SPACA7: variants seen among roughly 807,000 people sequenced by gnomAD.
SPACA7 encodes sperm acrosome associated 7, also known as sperm acrosome-associated protein 7.
Under a neutral mutation model 26.3 loss-of-function variants are expected in SPACA7, and 19 were observed. That is an observed-to-expected ratio of 0.72 (90% CI 0.50 to 1.06). The LOEUF (loss-of-function observed/expected upper bound fraction) is 1.06. Ranked by LOEUF, SPACA7 falls within the 50% of genes least tolerant of loss-of-function variation. The pLI is 0.00. For synonymous variants in SPACA7, 84 were observed against 84.5 expected (o/e 0.99, Z 0.04); for missense variants, 211 against 229.9 (o/e 0.92, Z 0.53).
At chr13:112,420,732 C>T (rs947809490) in intron 5 of SPACA7, among the ~76,000 whole-genome samples, 3 of 151,798 alleles carry the variant, frequency 2.0e-5, no homozygotes, top group African/African-American at 7.3e-5. Flanking sequence ...GAACACCAAG[C>T]AGGATACGTT....
chr13:112,426,631 G>T (rs1461246150), intron 5 of SPACA7, among the ~76,000 whole-genome samples: 1 of 152,074 alleles, frequency 6.6e-6, no homozygotes, highest in Non-Finnish European at 1.5e-5. Flanking sequence ...TTATACATAA[G>T]TGTTTAGTAG....
At chr13:112,423,595 G>T (rs1161753786) in intron 5 of SPACA7, among the ~76,000 whole-genome samples, 1 of 152,190 alleles carries the variant, frequency 6.6e-6, no homozygotes, top group African/African-American at 2.4e-5. Flanking sequence ...TAAAAGGTAA[G>T]AACCAACATC....
At chr13:112,382,320 G>T in intron 1 of SPACA7, 2 of 1,104,592 alleles carry the variant, frequency 1.8e-6, no homozygotes, top group Admixed American at 3.0e-5. Context: ...GGCGCCTCTC[G>T]ATTTCTTGAC....
intron 5 of SPACA7, among the ~76,000 whole-genome samples, chr13:112,424,173 C>G (rs977923921): frequency 1.3e-5 from 2 of 152,198 alleles, no homozygotes; most frequent in Non-Finnish European, 2.9e-5. Flanking sequence ...CCCGAAGGCA[C>G]CGCATGTGAC....
intron 5 of SPACA7, among the ~76,000 whole-genome samples, chr13:112,404,385 G>A (rs1250850730): frequency 1.3e-5 from 2 of 152,190 alleles, no homozygotes; most frequent in African/African-American, 2.4e-5. Flanking sequence ...TCACTCTGCT[G>A]ATTATTTCTC....
chr13:112,383,082 A>AGG (rs1566452599), intron 1 of SPACA7, among the ~76,000 whole-genome samples: 39 of 102,472 alleles, frequency 3.8e-4, no homozygotes, highest in African/African-American at 1.4e-3. Flanking sequence ...GAAAGAAAGA[A>AGG]AAAGAAAGAA....
intron 1 of SPACA7, among the ~76,000 whole-genome samples, chr13:112,386,560 G>A (rs577221428): frequency 4.6e-5 from 7 of 151,834 alleles, no homozygotes; most frequent in South Asian, 4.2e-4. Context: ...AGGAGTCCCC[G>A]GCTACCAGAA....
chr13:112,434,576 G>GCCC lies in SPACA7; in HGVS notation c.*27_*28insCCC. ...GCCGCAGCCCCAGACCCCCTGCGCA[G>GCCC]GAGAGGAGCCTGCTAGAACCCCCAC... On this transcript the variant is annotated 3_prime_UTR_variant, in exon 7 of 7. Transcript: ENST00000283550. 6.3e-7 allele frequency: 1 copy of GCCC among 1,579,700 alleles called. No homozygotes were observed. The highest frequency in any genetic ancestry group is 8.6e-7 in the Non-Finnish European group (1 of 1,162,064).
intron 1 of SPACA7, among the ~76,000 whole-genome samples, chr13:112,389,009 G>A (rs2138897126): frequency 6.6e-6 from 1 of 152,316 alleles, no homozygotes; most frequent in Non-Finnish European, 1.5e-5. Flanking sequence ...ACTGATCTTA[G>A]GAGCAGTTTA....
chr13:112,393,338 C>T (rs538938554), intron 2 of SPACA7, among the ~76,000 whole-genome samples: 1 of 150,924 alleles, frequency 6.6e-6, no homozygotes, highest in Non-Finnish European at 1.5e-5. Context: ...AAGTGAGGTC[C>T]AAGGACCCTC....
chr13:112,400,975 C>A, intron 4 of SPACA7, 94 bp from the exon 5 acceptor site: 1 of 888,576 alleles, frequency 1.1e-6, no homozygotes, highest in Non-Finnish European at 1.8e-6. Flanking sequence ...ATTAGCATCT[C>A]AACTTAGCAT....
At chr13:112,422,444 A>G (rs1017284055) in intron 5 of SPACA7, among the ~76,000 whole-genome samples, 5 of 152,252 alleles carry the variant, frequency 3.3e-5, no homozygotes, top group Non-Finnish European at 7.3e-5. Context: ...AATTACTCAA[A>G]TTGACCTTTT....
At chr13:112,417,038 G>A (rs1886739026) in intron 5 of SPACA7, among the ~76,000 whole-genome samples, 2 of 151,876 alleles carry the variant, frequency 1.3e-5, no homozygotes, top group South Asian at 4.2e-4. Context: ...AGTTGATAGA[G>A]AACGCTGCTT....
chr13:112,405,568 C>CAAAA (rs1302800771), intron 5 of SPACA7, among the ~76,000 whole-genome samples: 3 of 152,094 alleles, frequency 2.0e-5, no homozygotes, highest in Non-Finnish European at 2.9e-5. Context: ...AAAATTTGCT[C>CAAAA]ATGGTTTCAT....
intron 5 of SPACA7, among the ~76,000 whole-genome samples, chr13:112,403,291 T>A (rs1351241455): frequency 6.6e-6 from 1 of 152,158 alleles, no homozygotes; most frequent in Non-Finnish European, 1.5e-5. Flanking sequence ...CTCCTGATTT[T>A]AAAAAAACTT....
At chr13:112,382,840 T>G (rs756900397) in intron 1 of SPACA7, among the ~76,000 whole-genome samples, 3 of 151,726 alleles carry the variant, frequency 2.0e-5, no homozygotes, top group Admixed American at 6.6e-5. Flanking sequence ...ACACAAAAAA[T>G]TAGCCAGGCA....
intron 1 of SPACA7, among the ~76,000 whole-genome samples, chr13:112,383,098 GAAGAAAGA>G (rs1445595997): frequency 2.7e-5 from 1 of 37,304 alleles, no homozygotes; most frequent in African/African-American, 8.4e-5. Flanking sequence ...AAGAAAGAAA[GAAGAAAGA>G]AAAGAAAAGA....
chr13:112,417,599 C>G (rs1294788751), intron 5 of SPACA7, among the ~76,000 whole-genome samples: 1 of 152,060 alleles, frequency 6.6e-6, no homozygotes, highest in South Asian at 2.1e-4. Flanking sequence ...TGTCTTTTCT[C>G]TTTCCCAGGT....
intron 6 of SPACA7, among the ~76,000 whole-genome samples, chr13:112,433,576 T>C (rs1359928573): frequency 6.6e-6 from 1 of 151,422 alleles, no homozygotes; most frequent in African/African-American, 2.4e-5. Flanking sequence ...GCCGGCCAGC[T>C]CGTCCTTTGT....
Sources: allele counts gnomAD v4.1 joint callset (sites outside exome capture counted in the v4.1 genomes callset), GRCh38; gene constraint gnomAD v4.1.1; transcripts MANE v1.5; gene names NCBI Gene and HGNC (gene_info 2026-07-23, HGNC 2026-07-21).